The following SNU13 variants were observed in gnomAD, a reference collection of about 807,000 sequenced individuals.
SNU13 encodes the protein small nuclear ribonucleoprotein 13, also known as NHP2-like protein 1.
In SNU13, 2 loss-of-function variants were observed where a neutral mutation model predicts 12.4. That is an observed-to-expected ratio of 0.16 (90% confidence interval 0.07 to 0.51). The LOEUF is 0.51. SNU13 is among the 20% of genes least tolerant of loss of function. The probability of loss-of-function intolerance (pLI) is 0.96; values close to 1 mark genes in which losing one functional copy is unlikely to be tolerated. For missense variants in SNU13, 66 were observed against 157.8 expected (o/e 0.42, Z 3.12); for synonymous variants, 68 against 66.5 (o/e 1.02, Z -0.11).
intron 2 of SNU13, among the ~76,000 whole-genome samples, chr22:41,679,178 G>A (rs2147134617): frequency 6.6e-6 from 1 of 152,288 alleles, no homozygotes; most frequent in East Asian, 1.9e-4. Context: ...GGAGGCCAAG[G>A]CAGGCGGATC....
chr22:41,685,011 C>T (rs1390511787), intron 1 of SNU13, among the ~76,000 whole-genome samples: 2 of 152,080 alleles, frequency 1.3e-5, no homozygotes, highest in African/African-American at 2.4e-5. Context: ...CAAAAATTAT[C>T]TGGGTGTGGT....
rs1346330048 is a variant in SNU13 at position 41,674,900 on chromosome 22, G to GTTCC, written c.*32_*33insGGAA. On this transcript the variant is annotated 3_prime_UTR_variant, in exon 3 of 3. Transcript: ENST00000401959. Reference sequence around the variant, plus strand: ...TATGATACACAACCTCAGGGGGGAAGCTGGCAGGGAGCACGTGGCAGAGGC... The same window carrying GTTCC: ...TATGATACACAACCTCAGGGGGGAAGTTCCCTGGCAGGGAGCACGTGGCAGAGGC... 6.2e-7 allele frequency: 1 copy of GTTCC among 1,602,662 alleles called. No homozygotes were observed. The highest frequency in any genetic ancestry group is 1.3e-5 in the African/African-American group (1 of 74,610).
chr22:41,676,925 T>C (rs967084083), intron 2 of SNU13, among the ~76,000 whole-genome samples: 1 of 152,214 alleles, frequency 6.6e-6, no homozygotes, highest in African/African-American at 2.4e-5. Flanking sequence ...TGTCATCTTT[T>C]TCATCTTTTA....
upstream of SNU13, among the ~76,000 whole-genome samples, chr22:41,689,785 C>G (rs1023277099): frequency 5.3e-5 from 8 of 151,796 alleles, no homozygotes; most frequent in Non-Finnish European, 7.4e-5. Flanking sequence ...CGATACCAGC[C>G]TGACCAATAT....
At position 41,674,254 on chromosome 22, in the gene SNU13, T is replaced by C. The variant is rs1196992472; in HGVS notation, c.*679A>G. The C allele has an allele frequency of 1.3e-5, 2 of 153,170 alleles. No homozygotes were observed. The highest frequency in any genetic ancestry group is 2.9e-5 in the Non-Finnish European group (2 of 68,484). The allele number at this position is 153,170 out of a possible 1,614,324, so 9.5% of individuals were successfully genotyped here. A position where few individuals can be genotyped will look rare whatever the true frequency, so the allele number is the denominator to read the frequency against. ...TTCAAGACCCAGGTCAACTGCCCCA[T>C]GGCTCACCCACCCAGGCTGCCTCCG... On this transcript the variant is annotated 3_prime_UTR_variant, in exon 3 of 3. Coordinates refer to ENST00000401959, the MANE Select transcript of SNU13 (RefSeq NM_001003796.2).
intron 1 of SNU13, among the ~76,000 whole-genome samples, chr22:41,686,505 C>G (rs2068311479): frequency 6.6e-6 from 1 of 151,098 alleles, no homozygotes; most frequent in Non-Finnish European, 1.5e-5. Flanking sequence ...GGGGTTTCAC[C>G]ATGTTGGCCA....
intron 1 of SNU13, chr22:41,681,111 C>T (rs1380902457): frequency 6.6e-6 from 1 of 152,214 alleles, no homozygotes. Flanking sequence ...TGCGTATCTT[C>T]TGTTCAAACC....
chr22:41,686,669 C>T (rs1176692141), intron 1 of SNU13, among the ~76,000 whole-genome samples: 1 of 151,862 alleles, frequency 6.6e-6, no homozygotes, highest in Non-Finnish European at 1.5e-5. Flanking sequence ...CTTTGTCACC[C>T]AGGCTGTAGT....
intron 1 of SNU13, 94 bp from the exon 2 acceptor site, chr22:41,680,458 C>CA: frequency 7.3e-7 from 1 of 1,372,032 alleles, no homozygotes; most frequent in South Asian, 1.3e-5. Flanking sequence ...ACACAGGGGG[C>CA]AGCTGCCCTG....
Position 41,674,710 on chromosome 22 carries a change from G to A in SNU13, c.*223C>T. 2 of 586,212 alleles carry A rather than the reference G, an allele frequency of 3.4e-6. No homozygotes were observed. Among genetic ancestry groups the A allele is most frequent in the Non-Finnish European group, 5.8e-6 (2 of 343,422 alleles). The allele number at this position is 586,212 out of a possible 1,614,324, so 36.3% of individuals were successfully genotyped here. ...CTGCTCTGAACACTTGTTCCAAAAA[G>A]GGAGGATAAAAGGATGAAGGATGGC... is the stretch of plus-strand genomic sequence containing the variant. On this transcript the variant is annotated 3_prime_UTR_variant, in exon 3 of 3. Transcript: ENST00000401959.
intron 2 of SNU13, among the ~76,000 whole-genome samples, chr22:41,677,651 A>G (rs2068225560): frequency 6.6e-6 from 1 of 152,208 alleles, no homozygotes; most frequent in South Asian, 2.1e-4. Flanking sequence ...CTCTTTTATA[A>G]GTGTTAAGTA....
intron 2 of SNU13, chr22:41,679,800 G>A (rs2068246771): frequency 6.6e-6 from 1 of 152,056 alleles, no homozygotes; most frequent in Non-Finnish European, 1.5e-5. Flanking sequence ...GCAAATTCGT[G>A]AAACGTTCCA....
At chr22:41,686,777 C>T (rs972943839) in intron 1 of SNU13, among the ~76,000 whole-genome samples, 3 of 151,552 alleles carry the variant, frequency 2.0e-5, no homozygotes, top group Admixed American at 6.6e-5. Context: ...CAGGCACGCA[C>T]CACCACGCCT....
intron 1 of SNU13, among the ~76,000 whole-genome samples, chr22:41,687,465 C>T (rs1196341571): frequency 2.0e-5 from 3 of 152,120 alleles, no homozygotes; most frequent in Non-Finnish European, 4.4e-5. Flanking sequence ...CATTAAATAC[C>T]TAAATGTTTC....
At chr22:41,684,109 TG>T in intron 1 of SNU13, among the ~76,000 whole-genome samples, 1 of 152,282 alleles carries the variant, frequency 6.6e-6, no homozygotes, top group Non-Finnish European at 1.5e-5. Context: ...TTTGCCATGT[TG>T]GCCAGGCTGG....
At chr22:41,682,056 G>A (rs572491187) in intron 1 of SNU13, among the ~76,000 whole-genome samples, 1 of 151,784 alleles carries the variant, frequency 6.6e-6, no homozygotes, top group East Asian at 1.9e-4. Flanking sequence ...TAACCCAGGT[G>A]CGGCCCCACA....
chr22:41,679,195 G>A, intron 2 of SNU13, among the ~76,000 whole-genome samples: 1 of 152,142 alleles, frequency 6.6e-6, no homozygotes, highest in African/African-American at 2.4e-5. Context: ...GATCACTTCA[G>A]GTCAGGAGTT....
At chr22:41,677,871 T>G (rs1205177020) in intron 2 of SNU13, among the ~76,000 whole-genome samples, 3 of 152,148 alleles carry the variant, frequency 2.0e-5, no homozygotes, top group Admixed American at 2.0e-4. Context: ...ATCTATTCAG[T>G]TCTCTGCTCA....
chr22:41,682,266 T>C, intron 1 of SNU13: 1 of 1,406,492 alleles, frequency 7.1e-7, no homozygotes, highest in Non-Finnish European at 1.0e-6. Context: ...TCCGTTTTTT[T>C]ACAGCTTTTC....
Sources: gnomAD v4.1 joint callset for allele counts (sites outside exome capture counted in the v4.1 genomes callset) on GRCh38, gnomAD v4.1.1 for gene constraint, MANE v1.5 for transcripts, NCBI Gene and HGNC (gene_info 2026-07-23, HGNC 2026-07-21) for gene names.